VSIG10: variants seen among roughly 807,000 people sequenced by gnomAD.
The protein encoded by VSIG10 is V-set and immunoglobulin domain-containing protein 10.
VSIG10 carries 48 observed loss-of-function variants against 58.7 expected under a neutral mutation model. The observed-to-expected ratio is 0.82, with a 90% confidence interval of 0.65 to 1.04. VSIG10 has a LOEUF of 1.04. VSIG10 is among the 50% of genes least tolerant of loss of function. The pLI, the probability that VSIG10 is intolerant of heterozygous loss-of-function variation, is 0.00. For synonymous variants in VSIG10, 260 were observed against 267.1 expected, an observed-to-expected ratio of 0.97 and a Z score of 0.26; for missense variants, 628 against 670.0, an observed-to-expected ratio of 0.94 and a Z score of 0.69.
intron 4 of VSIG10, among the ~76,000 whole-genome samples, chr12:118,076,890 C>T (rs1002317686): frequency 3.3e-5 from 5 of 152,102 alleles, no homozygotes; most frequent in East Asian, 1.9e-4. Context: ...AATTCCTAGC[C>T]GTAAGCTATC....
intron 3 of VSIG10, among the ~76,000 whole-genome samples, chr12:118,081,646 G>A (rs1286492592): frequency 1.3e-5 from 2 of 152,212 alleles, no homozygotes; most frequent in Non-Finnish European, 2.9e-5. Context: ...TTCCCTGAGT[G>A]CAGCAGCCCT....
At chr12:118,068,352 G>C in intron 8 of VSIG10, 25 bp downstream of exon 8, 1 of 1,604,988 alleles carries the variant, frequency 6.2e-7, no homozygotes, top group Non-Finnish European at 8.5e-7. Context: ...TTTTCTGTTT[G>C]TTTGTTTAAG....
intron 7 of VSIG10, among the ~76,000 whole-genome samples, chr12:118,070,547 C>CAA (rs10607174): frequency 4.5e-5 from 5 of 111,634 alleles, no homozygotes; most frequent in South Asian, 2.8e-4. Context: ...GATTCTGTCT[C>CAA]AAAAAAAAAA....
intron 2 of VSIG10, among the ~76,000 whole-genome samples, chr12:118,090,797 G>T (rs992042923): frequency 6.6e-6 from 1 of 152,068 alleles, no homozygotes; most frequent in Non-Finnish European, 1.5e-5. Context: ...GGATTACAGG[G>T]ATGAGCCACT....
intron 2 of VSIG10, among the ~76,000 whole-genome samples, chr12:118,086,416 C>T (rs777672094): frequency 1.3e-5 from 2 of 151,684 alleles, no homozygotes; most frequent in African/African-American, 2.4e-5. Flanking sequence ...TGCCATGAGC[C>T]GAGATCATGC....
At chr12:118,084,605 C>A (rs2033063159) in intron 2 of VSIG10, among the ~76,000 whole-genome samples, 1 of 152,112 alleles carries the variant, frequency 6.6e-6, no homozygotes, top group South Asian at 2.1e-4. Context: ...GCAGGCCAGG[C>A]ACGGTGGCTC....
chr12:118,096,445 G>T (rs1190247564), intron 1 of VSIG10, among the ~76,000 whole-genome samples: 2 of 151,836 alleles, frequency 1.3e-5, no homozygotes, highest in Non-Finnish European at 2.9e-5. Context: ...GGGCGTGGTA[G>T]CACATGCCTG....
chr12:118,094,737 ATTT>A (rs770952050), intron 2 of VSIG10, among the ~76,000 whole-genome samples: 1 of 132,898 alleles, frequency 7.5e-6, no homozygotes. Flanking sequence ...AGAAGCAATA[ATTT>A]TTTTTTTTTT....
intron 2 of VSIG10, among the ~76,000 whole-genome samples, chr12:118,090,319 TA>T (rs916012884): frequency 2.0e-5 from 3 of 152,042 alleles, no homozygotes; most frequent in African/African-American, 7.2e-5. Flanking sequence ...AAATAAAAAA[TA>T]AAAAACTAAG....
At chr12:118,075,987 G>A (rs2032710451) in intron 4 of VSIG10, among the ~76,000 whole-genome samples, 1 of 152,132 alleles carries the variant, frequency 6.6e-6, no homozygotes, top group East Asian at 1.9e-4. Flanking sequence ...ACTGGCTACT[G>A]TATCCATAAG....
rs199991783 is a variant in VSIG10 at position 118,068,528 on chromosome 12, C to T, written c.1416G>A (p.Glu472=). 5 of 986,458 alleles carry T rather than the reference C, an allele frequency of 5.1e-6. No individual in the cohort carries two copies. In the African/African-American group the frequency reaches 1.2e-4, roughly 24 times the overall value. 61.1% of individuals were successfully genotyped at this position (986,458 alleles called of 1,614,324 possible). Residue 472 remains glutamate, a synonymous_variant, in exon 8 of 9, where the codon GAG becomes GAA. Coordinates refer to ENST00000359236, the MANE Select transcript of VSIG10 (RefSeq NM_019086.6). ...GTTCCCCTACTGCAGCATCTTCCTC[C>T]TCCTCCTCCTCCTCCTCCTCTTCCT... ...SEEEEEEEEE[E]EEDAAVGEQE...
chr12:118,067,600 A>AT (rs2032300698), intron 8 of VSIG10, among the ~76,000 whole-genome samples: 1 of 151,492 alleles, frequency 6.6e-6, no homozygotes, highest in Non-Finnish European at 1.5e-5. Context: ...AGTAGCTGGG[A>AT]TTACAGGCAC....
At chr12:118,076,121 G>A (rs2032715537) in intron 4 of VSIG10, among the ~76,000 whole-genome samples, 1 of 152,212 alleles carries the variant, frequency 6.6e-6, no homozygotes, top group Non-Finnish European at 1.5e-5. Flanking sequence ...AATTGCTGAT[G>A]TAATAGATTG....
chr12:118,066,524 T>C lies in VSIG10; in HGVS notation c.*115A>G. On this transcript the variant is annotated 3_prime_UTR_variant, in exon 9 of 9. Transcript: ENST00000359236. The stretch of plus-strand genomic sequence containing the variant: ...TTGTTTTTTGCTGAGACCCAAACAT[T>C]GTTAGTGCAAGCCCCCGCCAGGGGT... 9.0e-7 allele frequency: 1 copy of C among 1,111,280 alleles called. No individual in the cohort carries two copies. The allele number at this position is 1,111,280 out of a possible 1,614,324, so 68.8% of individuals were successfully genotyped here.
intron 3 of VSIG10, among the ~76,000 whole-genome samples, chr12:118,081,807 G>A (rs1453569213): frequency 2.0e-5 from 3 of 151,998 alleles, no homozygotes; most frequent in Admixed American, 6.6e-5. Context: ...ACCTGAGGTC[G>A]GGAGTTCAAG....
Position 118,071,054 on chromosome 12 carries a change from G to A in VSIG10, c.1344C>T (p.Ser448=). The A allele has an allele frequency of 1.9e-6, 3 of 1,601,150 alleles. No individual in the cohort carries two copies. Among genetic ancestry groups the A allele is most frequent in the Non-Finnish European group, 1.7e-6 (2 of 1,173,538 alleles). ...GTTTGATTCTAGGGAACACTCACCTGGAAGTGTTTCCTACTGAAGAGAGAA... is the reference window on the plus strand; with the variant it reads ...GTTTGATTCTAGGGAACACTCACCTAGAAGTGTTTCCTACTGAAGAGAGAA... The part of the protein sequence containing the change: ...PVFCWKVGNT[S]RGQNMDDVMV... Residue 448 remains serine (S), a splice_region_variant and synonymous_variant, in exon 7 of 9, where the codon TCC becomes TCT. Coordinates refer to ENST00000359236, the MANE Select transcript of VSIG10 (RefSeq NM_019086.6).
intron 4 of VSIG10, among the ~76,000 whole-genome samples, chr12:118,075,146 G>GTATATGTATA (rs938139430): frequency 1.6e-5 from 2 of 127,782 alleles, no homozygotes; most frequent in Non-Finnish European, 3.2e-5. Context: ...GTATATATGT[G>GTATATGTATA]TATATGTATA....
rs948249438 is a variant in VSIG10 at position 118,063,746 on chromosome 12, C to T, written c.*2893G>A. On this transcript the variant is annotated 3_prime_UTR_variant, in exon 9 of 9. Coordinates refer to ENST00000359236, the MANE Select transcript of VSIG10 (RefSeq NM_019086.6). ...CTTTGCAGCAGTTCCTGGCCAGTCCCAACGTGAGAAATATCAGTTGGCACT... is the reference window on the plus strand; with the variant it reads ...CTTTGCAGCAGTTCCTGGCCAGTCCTAACGTGAGAAATATCAGTTGGCACT... The T allele has an allele frequency of 1.3e-5, 2 of 152,154 alleles. No individual in the cohort carries two copies. The highest frequency in any genetic ancestry group is 2.9e-5 in the Non-Finnish European group (2 of 68,032). 9.4% of individuals were successfully genotyped at this position (152,154 alleles called of 1,614,324 possible). A position where few individuals can be genotyped will look rare whatever the true frequency, so the allele number is the denominator to read the frequency against.
chr12:118,077,417 A>G (rs557925556), intron 4 of VSIG10, among the ~76,000 whole-genome samples: 16 of 152,058 alleles, frequency 1.1e-4, no homozygotes, highest in Non-Finnish European at 2.1e-4. Context: ...TCCTCATATT[A>G]TCATCATATC....
Sources: allele counts gnomAD v4.1 joint callset (sites outside exome capture counted in the v4.1 genomes callset), GRCh38; gene constraint gnomAD v4.1.1; transcripts MANE v1.5; gene names NCBI Gene and HGNC (gene_info 2026-07-23, HGNC 2026-07-21).